The following KIF15 variants were observed in gnomAD, a reference collection of about 807,000 sequenced individuals.
The protein encoded by KIF15 is kinesin-like protein KIF15.
KIF15 carries 140 observed loss-of-function variants against 190.6 expected under a neutral mutation model. The ratio of observed to expected loss-of-function variants is 0.73; its 90% CI spans 0.64 to 0.84. The LOEUF is 0.84. Among genes scored for constraint, KIF15 ranks in the 40% least tolerant of loss-of-function variants. KIF15 has a pLI of 0.00. For missense variants in KIF15, 1,372 were observed against 1,584.4 expected (o/e 0.87, Z 2.28); for synonymous variants, 528 against 551.3 (o/e 0.96, Z 0.59).
intron 6 of KIF15, chr3:44,864,357 G>T: frequency 6.2e-7 from 1 of 1,614,022 alleles, no homozygotes; most frequent in Non-Finnish European, 8.5e-7. Flanking sequence ...AGTAGCCTGA[G>T]GGTGTGGTGC....
At chr3:44,808,146 G>A (rs1023253844) in intron 16 of KIF15, among the ~76,000 whole-genome samples, 6 of 152,072 alleles carry the variant, frequency 3.9e-5, no homozygotes, top group Admixed American at 2.6e-4. Context: ...GGTGGTCTTT[G>A]AAGTTTTTGT....
At chr3:44,784,078 T>TA (rs1283223862) in intron 5 of KIF15, among the ~76,000 whole-genome samples, 40 of 152,328 alleles carry the variant, frequency 2.6e-4, no homozygotes, top group Non-Finnish European at 1.2e-4. Flanking sequence ...TGCCTAATTT[T>TA]AAAAAAATCA....
At chr3:44,847,927 T>G (rs1698919654) in intron 30 of KIF15, 58 bp from the exon 31 acceptor site, 3 of 1,201,272 alleles carry the variant, frequency 2.5e-6, no homozygotes, top group African/African-American at 3.1e-5. Flanking sequence ...AAATTGATAC[T>G]TGAATATACT....
chr3:44,829,715 A>G (rs1697955122), intron 24 of KIF15, among the ~76,000 whole-genome samples: 1 of 136,794 alleles, frequency 7.3e-6, no homozygotes, highest in Non-Finnish European at 1.5e-5. Context: ...ATAGATGTAT[A>G]TATATTATAG....
chr3:44,841,095 T>G lies in KIF15; in HGVS notation c.3442T>G (p.Phe1148Val). ...DPQSPKTPPH[F>V]QTHLAKLLET... ...TTAGAGTCCTAAGACACCACCTCAC[T>G]TTCAAACACATTTGGCAAAACTCCT... Residue 1148 changes from phenylalanine to valine, a missense_variant, in exon 29 of 35, where the codon TTT becomes GTT. Transcript: ENST00000326047. 1 of 1,613,260 alleles carries G rather than the reference T, an allele frequency of 6.2e-7. No homozygotes were observed. Among genetic ancestry groups the G allele is most frequent in the Non-Finnish European group, 8.5e-7 (1 of 1,179,644 alleles).
In KIF15 at chr3:44,802,916, G is replaced by C; in HGVS notation, c.1612G>C (p.Glu538Gln). ...ATTAGAGCCTGTGAAAAGAGCTCAA[G>C]AAATGGATGCCCAGACCATTGCAAA... ...RLLEPVKRAQ[E>Q]MDAQTIAKLE... The change falls in exon 14 of 35, where the codon GAA becomes CAA. Residue 538 changes from glutamate to glutamine, a missense_variant. Physicochemically the swap from Glu to Gln is conservative, Grantham distance 29. Transcript: ENST00000326047. 2.5e-6 allele frequency: 4 copies of C among 1,612,520 alleles called. No homozygotes were observed. The highest frequency in any genetic ancestry group is 3.4e-6 in the Non-Finnish European group (4 of 1,179,678).
Position 44,805,858 on chromosome 3 carries a change from G to A in KIF15, c.1843G>A (p.Glu615Lys). The change falls in exon 16 of 35, where the codon GAA becomes AAA. Residue 615 changes from glutamate (E) to lysine (K), a missense_variant. Physicochemically the swap from Glu to Lys is moderately conservative, Grantham distance 56 (BLOSUM62 1). Transcript: ENST00000326047. ...AATATCTATTAGGAAAAGGCAGCTA[G>A]AATTGGAATCAGAGCTTCAGTCTTT... is the stretch of plus-strand genomic sequence containing the variant. Reference protein sequence around the residue: ...FKELTRKRQLELESELQSLQK... With the variant: ...FKELTRKRQLKLESELQSLQK... The A allele has an allele frequency of 6.2e-7, 1 of 1,613,384 alleles. No individual in the cohort carries two copies. The highest frequency in any genetic ancestry group is 1.1e-5 in the South Asian group (1 of 90,826).
At chr3:44,800,240 C>A in intron 10 of KIF15, 74 bp from the exon 11 acceptor site, 2 of 1,418,158 alleles carry the variant, frequency 1.4e-6, no homozygotes, top group Non-Finnish European at 2.0e-6. Flanking sequence ...CAAATCATAC[C>A]AAACAAATGT....
chr3:44,801,191 G>A (rs983442807), intron 11 of KIF15, among the ~76,000 whole-genome samples: 34 of 142,110 alleles, frequency 2.4e-4, no homozygotes, highest in African/African-American at 8.5e-4. Flanking sequence ...TGTATTTTTA[G>A]TAGAGATCGG....
chr3:44,839,889 T>G (rs975151192), intron 27 of KIF15, among the ~76,000 whole-genome samples: 5 of 152,218 alleles, frequency 3.3e-5, no homozygotes, highest in Admixed American at 3.3e-4. Context: ...TATTTCATTG[T>G]GTATATATAT....
chr3:44,836,674 G>A (rs1698338188), intron 26 of KIF15, among the ~76,000 whole-genome samples: 1 of 152,202 alleles, frequency 6.6e-6, no homozygotes, highest in Non-Finnish European at 1.5e-5. Flanking sequence ...ACATGCAAAT[G>A]TTCCTGAAAC....
intron 14 of KIF15, among the ~76,000 whole-genome samples, chr3:44,804,798 T>C (rs1463975246): frequency 6.6e-6 from 1 of 152,130 alleles, no homozygotes; most frequent in African/African-American, 2.4e-5. Context: ...TGTCCTGTTA[T>C]TTTTGCTTGT....
chr3:44,826,526 G>GTT (rs200584693), intron 22 of KIF15, 66 bp downstream of exon 22: 510 of 930,386 alleles, frequency 5.5e-4, no homozygotes, highest in South Asian at 8.3e-4. Flanking sequence ...TCTTAATCTT[G>GTT]TTTTTTTTTT....
At position 44,775,926 on chromosome 3, in the gene KIF15, A is replaced by G. The variant is rs182434286; in HGVS notation, c.246+489A>G. ...AAACCCCGTCTATACTAAAAATACA[A>G]AAAATTAGCTGGTTGTGGTAGTGGG... On this transcript the variant is annotated intron_variant, in intron 3 of 34. Transcript: ENST00000326047. Among the ~76,000 whole-genome samples, 117 of 151,882 alleles carry G rather than the reference A, an allele frequency of 7.7e-4. 1 individual carries two copies. The highest frequency in any genetic ancestry group is 3.4e-3 in the Middle Eastern group (1 of 292).
At chr3:44,862,022 T>C in intron 6 of KIF15, 3 of 1,379,780 alleles carry the variant, frequency 2.2e-6, no homozygotes. Flanking sequence ...GCGGGTGCGA[T>C]GCGGCGCCGC....
At chr3:44,838,195 A>G in intron 26 of KIF15, 80 bp from the exon 27 acceptor site, 1 of 1,438,614 alleles carries the variant, frequency 7.0e-7, no homozygotes, top group South Asian at 1.4e-5. Context: ...TTAGTCTGTT[A>G]AAAGTTGTAC....
chr3:44,775,281 T>A lies in KIF15; in HGVS notation c.90T>A (p.Phe30Leu), dbSNP rs757668546. 6.2e-7 allele frequency: 1 copy of A among 1,613,972 alleles called. No individual in the cohort carries two copies. Among genetic ancestry groups the A allele is most frequent in the Admixed American group, 1.7e-5 (1 of 59,962 alleles). The change falls in exon 3 of 35, where the codon TTT becomes TTA. Residue 30 changes from phenylalanine to leucine, a missense_variant. Coordinates refer to ENST00000326047, the MANE Select transcript of KIF15 (RefSeq NM_020242.3). ...PSNEGDAIKV[F>L]VRIRPPAERS... Reference sequence around the variant, plus strand: ...ATGAAGGTGATGCCATCAAAGTTTTTGTGCGAATTCGTCCTCCTGCAGAAA... The same window carrying A: ...ATGAAGGTGATGCCATCAAAGTTTTAGTGCGAATTCGTCCTCCTGCAGAAA...
At chr3:44,770,299 A>C (rs1575573780) in intron 1 of KIF15, among the ~76,000 whole-genome samples, 1 of 152,286 alleles carries the variant, frequency 6.6e-6, no homozygotes, top group Non-Finnish European at 1.5e-5. Context: ...CAGCAAGAAT[A>C]CTTATTTTTA....
At chr3:44,836,561 T>C (rs1217304152) in intron 26 of KIF15, among the ~76,000 whole-genome samples, 1 of 152,120 alleles carries the variant, frequency 6.6e-6, no homozygotes, top group Admixed American at 6.5e-5. Flanking sequence ...ACCACCTTAA[T>C]TTATCCTTCA....
Sources: gnomAD v4.1 joint callset for allele counts (sites outside exome capture counted in the v4.1 genomes callset) on GRCh38, gnomAD v4.1.1 for gene constraint, MANE v1.5 for transcripts, NCBI Gene and HGNC (gene_info 2026-07-23, HGNC 2026-07-21) for gene names.